The following ERBB4 variants were observed in gnomAD, a reference collection of about 807,000 sequenced individuals.
The protein encoded by ERBB4 is erb-b2 receptor tyrosine kinase 4.
In ERBB4, 42 loss-of-function variants were observed where a neutral mutation model predicts 158.0. The ratio of observed to expected loss-of-function variants is 0.27; its 90% CI spans 0.21 to 0.34. The LOEUF is 0.34. ERBB4 is among the 10% of genes least tolerant of loss of function. The pLI is 1.00. For synonymous variants in ERBB4, 583 were observed against 558.7 expected (o/e 1.04, Z -0.61); for missense variants, 1,333 against 1,624.1 (o/e 0.82, Z 3.08).
intron 1 of ERBB4, among the ~76,000 whole-genome samples, chr2:212,342,699 A>AT (rs1333559168): frequency 6.6e-6 from 1 of 152,196 alleles, no homozygotes; most frequent in African/African-American, 2.4e-5. Context: ...TATCCCAAAT[A>AT]TTATCATAAC....
chr2:212,394,009 G>A, intron 1 of ERBB4, among the ~76,000 whole-genome samples: 1 of 152,110 alleles, frequency 6.6e-6, no homozygotes, highest in East Asian at 1.9e-4. Context: ...GTTGTTGAAT[G>A]ACTATGTGGT....
intron 11 of ERBB4, 58 bp downstream of exon 11, chr2:211,704,046 A>G: frequency 2.1e-6 from 2 of 958,316 alleles, no homozygotes. Context: ...GACTTAATGC[A>G]CACACAATGC....
chr2:212,049,095 C>T (rs2077333263), intron 2 of ERBB4, among the ~76,000 whole-genome samples: 1 of 152,206 alleles, frequency 6.6e-6, no homozygotes, highest in South Asian at 2.1e-4. Flanking sequence ...GCGTGTTTTA[C>T]ATTGCTAAGG....
intron 20 of ERBB4, among the ~76,000 whole-genome samples, chr2:211,506,445 C>T (rs1292972926): frequency 6.8e-6 from 1 of 147,612 alleles, no homozygotes; most frequent in African/African-American, 2.7e-5. Context: ...TTTCCAACAA[C>T]CACAGAGTAT....
intron 1 of ERBB4, among the ~76,000 whole-genome samples, chr2:212,489,206 C>T (rs942778918): frequency 6.6e-6 from 1 of 151,768 alleles, no homozygotes; most frequent in Non-Finnish European, 1.5e-5. Flanking sequence ...GATCTGACGC[C>T]CATGAAGATA....
intron 20 of ERBB4, chr2:211,535,571 A>G (rs112962945): frequency 0.011 from 1,477 of 140,052 alleles, 10 homozygotes; most frequent in Non-Finnish European, 0.015. Flanking sequence ...GAGAAAAAAA[A>G]AGAGAGAGAG....
chr2:211,791,843 G>A (rs963429022), intron 3 of ERBB4, among the ~76,000 whole-genome samples: 10 of 151,694 alleles, frequency 6.6e-5, no homozygotes, highest in Admixed American at 6.6e-5. Context: ...TGTCTCAAAC[G>A]TTTCCGACTA....
intron 2 of ERBB4, among the ~76,000 whole-genome samples, chr2:212,068,637 C>G (rs553535577): frequency 6.6e-6 from 1 of 152,138 alleles, no homozygotes; most frequent in South Asian, 2.1e-4. Context: ...CTCTCTGTAC[C>G]TGCCTTACAA....
chr2:211,901,665 A>C (rs1240616359), intron 3 of ERBB4, among the ~76,000 whole-genome samples: 3 of 152,296 alleles, frequency 2.0e-5, no homozygotes, highest in African/African-American at 7.2e-5. Flanking sequence ...AAGGCATCGC[A>C]TATAACGGGA....
At chr2:212,111,742 T>C (rs2079414809) in intron 2 of ERBB4, among the ~76,000 whole-genome samples, 1 of 151,988 alleles carries the variant, frequency 6.6e-6, no homozygotes, top group Non-Finnish European at 1.5e-5. Context: ...CTCACAACCC[T>C]TTTTTAAAAA....
At chr2:212,462,994 G>C (rs1688652362) in intron 1 of ERBB4, among the ~76,000 whole-genome samples, 1 of 152,046 alleles carries the variant, frequency 6.6e-6, no homozygotes, top group South Asian at 2.1e-4. Flanking sequence ...AATTAAATAA[G>C]CTAGGCACAC....
intron 2 of ERBB4, among the ~76,000 whole-genome samples, chr2:212,075,322 G>A (rs1394911074): frequency 1.3e-5 from 2 of 151,742 alleles, no homozygotes; most frequent in Admixed American, 6.6e-5. Context: ...ATTGTCTTGG[G>A]ACATTGGAAT....
At chr2:211,996,675 A>C (rs1455946972) in intron 2 of ERBB4, among the ~76,000 whole-genome samples, 1 of 152,186 alleles carries the variant, frequency 6.6e-6, no homozygotes, top group South Asian at 2.1e-4. Flanking sequence ...AACCTTGATT[A>C]CTCAGGCCTT....
At chr2:212,255,884 G>C (rs2084712248) in intron 1 of ERBB4, among the ~76,000 whole-genome samples, 1 of 152,050 alleles carries the variant, frequency 6.6e-6, no homozygotes, top group East Asian at 1.9e-4. Context: ...GCAGTGGCAT[G>C]ATCATAGTTC....
chr2:212,206,478 TCTC>T (rs1403530683), intron 1 of ERBB4, among the ~76,000 whole-genome samples: 1 of 152,152 alleles, frequency 6.6e-6, no homozygotes, highest in Non-Finnish European at 1.5e-5. Flanking sequence ...TTATTTAAAA[TCTC>T]ATTATTATTA....
At chr2:212,338,047 C>G (rs2088529179) in intron 1 of ERBB4, among the ~76,000 whole-genome samples, 1 of 152,076 alleles carries the variant, frequency 6.6e-6, no homozygotes, top group Admixed American at 6.6e-5. Flanking sequence ...GACTTTATGT[C>G]ATACTGATCT....
intron 2 of ERBB4, among the ~76,000 whole-genome samples, chr2:212,039,156 A>C (rs1477825870): frequency 6.6e-6 from 1 of 152,148 alleles, no homozygotes; most frequent in East Asian, 1.9e-4. Context: ...TGAAAATGAA[A>C]GAAGTAATTT....
chr2:211,878,611 A>C (rs1207921480), intron 3 of ERBB4, among the ~76,000 whole-genome samples: 1 of 151,320 alleles, frequency 6.6e-6, no homozygotes, highest in Non-Finnish European at 1.5e-5. Flanking sequence ...CATGGAGAAA[A>C]TTAGTTATCC....
chr2:212,085,968 T>C (rs2078594770), intron 2 of ERBB4, among the ~76,000 whole-genome samples: 1 of 151,988 alleles, frequency 6.6e-6, no homozygotes, highest in South Asian at 2.1e-4. Context: ...GGCATTCTTG[T>C]AGACACCTAT....
Sources: allele counts gnomAD v4.1 joint callset (sites outside exome capture counted in the v4.1 genomes callset), GRCh38; gene constraint gnomAD v4.1.1; transcripts MANE v1.5; gene names NCBI Gene and HGNC (gene_info 2026-07-23, HGNC 2026-07-21).